The following ZC3H12B variants were observed in gnomAD, a reference collection of about 807,000 sequenced individuals.
ZC3H12B encodes probable ribonuclease ZC3H12B.
ZC3H12B carries 7 observed loss-of-function variants against 43.9 expected under a neutral mutation model. The observed-to-expected ratio is 0.16, with a 90% CI of 0.09 to 0.30. ZC3H12B has a LOEUF of 0.30. ZC3H12B is among the 10% of genes least tolerant of loss of function. The probability of loss-of-function intolerance (pLI) is 1.00; values close to 1 mark genes in which losing one functional copy is unlikely to be tolerated. For synonymous variants in ZC3H12B, 222 were observed against 241.7 expected, an observed-to-expected ratio of 0.92 and a Z score of 0.76; for missense variants, 475 against 670.2, an observed-to-expected ratio of 0.71 and a Z score of 3.22.
At chrX:65,287,462 G>A in the ZC3H12B span, among the ~76,000 whole-genome samples, 1 of 110,667 alleles carries the variant, frequency 9.0e-6, no homozygotes, top group Non-Finnish European at 1.9e-5. Context: ...TAGAAATTAA[G>A]AAATTCCTTG....
chrX:65,297,042 A>G, the ZC3H12B span, among the ~76,000 whole-genome samples: 1 of 111,767 alleles, frequency 8.9e-6, no homozygotes, highest in African/African-American at 3.3e-5. Context: ...AGCCAACATT[A>G]TACAGCATGG....
chrX:65,103,492 C>T, the ZC3H12B span, among the ~76,000 whole-genome samples: 1 of 111,425 alleles, frequency 9.0e-6, no homozygotes, highest in Admixed American at 9.5e-5. Context: ...GCTGAGGCGA[C>T]ATACATTCTC....
the ZC3H12B span, among the ~76,000 whole-genome samples, chrX:65,118,590 C>G: frequency 9.0e-6 from 1 of 111,106 alleles, no homozygotes; most frequent in Non-Finnish European, 1.9e-5. Context: ...CCAGAACTTC[C>G]AACACTATGT....
At chrX:65,239,811 C>G in the ZC3H12B span, among the ~76,000 whole-genome samples, 1 of 111,897 alleles carries the variant, frequency 8.9e-6, no homozygotes, top group Non-Finnish European at 1.9e-5. Flanking sequence ...TTCAAGGGAT[C>G]TTATTTCTCT....
the ZC3H12B span, among the ~76,000 whole-genome samples, chrX:65,227,807 C>T: frequency 9.0e-6 from 1 of 111,442 alleles, no homozygotes; most frequent in Non-Finnish European, 1.9e-5. Flanking sequence ...TTCCTCGACA[C>T]ATACACCCTC....
chrX:65,181,174 T>A, the ZC3H12B span, among the ~76,000 whole-genome samples: 552 of 111,918 alleles, frequency 4.9e-3, no homozygotes, highest in Non-Finnish European at 7.9e-3. Flanking sequence ...ATTTAATTAA[T>A]GGTGCTGGGA....
chrX:65,121,204 G>A, the ZC3H12B span, among the ~76,000 whole-genome samples: 19 of 111,456 alleles, frequency 1.7e-4, no homozygotes, highest in Non-Finnish European at 3.4e-4. Context: ...TCCATTGATT[G>A]GAATAATTTC....
At position 65,413,842 on chromosome X, in the gene ZC3H12B, G is replaced by T. The variant is rs933467552; in HGVS notation, n.407+15138G>T. On this transcript the variant is annotated intron_variant and non_coding_transcript_variant, in intron 3 of 5. Coordinates refer to the ZC3H12B transcript ENST00000617377. ...TGCAAAAGGCATCATTGTAAATTTG[G>T]TAGACATTCCATTGAATCTGTAGAT... 1.6e-4 allele frequency among the ~76,000 whole-genome samples: 18 copies of T among 111,856 alleles called. No individual in the cohort carries two copies. The Admixed American group carries it at 1.7e-3, about 11-fold the overall frequency.
the ZC3H12B span, among the ~76,000 whole-genome samples, chrX:65,308,106 C>T: frequency 2.8e-4 from 31 of 111,127 alleles, no homozygotes; most frequent in Admixed American, 6.7e-4. Context: ...GTACATGGAA[C>T]ATTCTCGAAG....
intron 2 of ZC3H12B, among the ~76,000 whole-genome samples, chrX:65,374,219 G>A (rs2066312698): frequency 1.2e-5 from 1 of 80,474 alleles, no homozygotes; most frequent in Admixed American, 1.6e-4. Flanking sequence ...AGTTATATAT[G>A]TACTCTATAG....
chrX:65,492,107 C>T (rs1211894389), intron 1 of ZC3H12B, among the ~76,000 whole-genome samples: 1 of 107,319 alleles, frequency 9.3e-6, no homozygotes, highest in Non-Finnish European at 1.9e-5. Context: ...GGACCTGATT[C>T]CCAAGGCCTA....
intron 2 of ZC3H12B, among the ~76,000 whole-genome samples, chrX:65,394,482 TG>T (rs1376003526): frequency 8.9e-6 from 1 of 112,333 alleles, no homozygotes; most frequent in Non-Finnish European, 1.9e-5. Flanking sequence ...TGCTTGTTTT[TG>T]TCAGGTTTGT....
intron 1 of ZC3H12B, 84 bp from the exon 4 acceptor site, chrX:65,368,745 A>T (rs2066207071): frequency 1.8e-5 from 2 of 112,234 alleles, no homozygotes; most frequent in African/African-American, 6.5e-5. Context: ...TGAACTTTAA[A>T]TGGGTAAAAG....
the ZC3H12B span, among the ~76,000 whole-genome samples, chrX:65,275,354 G>A: frequency 8.9e-6 from 1 of 112,822 alleles, no homozygotes; most frequent in Non-Finnish European, 1.9e-5. Flanking sequence ...AGCCCTGCAG[G>A]CTGCTCCTGG....
chrX:65,069,710 G>A, the ZC3H12B span, among the ~76,000 whole-genome samples: 1 of 111,859 alleles, frequency 8.9e-6, no homozygotes, highest in Non-Finnish European at 1.9e-5. Flanking sequence ...AGATAATCAT[G>A]TGATGCTTGT....
upstream of ZC3H12B, among the ~76,000 whole-genome samples, chrX:65,362,906 C>A (rs767431186): frequency 6.7e-4 from 75 of 111,186 alleles, no homozygotes; most frequent in Non-Finnish European, 1.4e-3. Flanking sequence ...ATATACTCTC[C>A]TATCCTCAAT....
intron 3 of ZC3H12B, among the ~76,000 whole-genome samples, chrX:65,435,671 TA>T (rs1288001181): frequency 2.2e-4 from 24 of 109,643 alleles, no homozygotes; most frequent in Non-Finnish European, 4.0e-4. Flanking sequence ...GATAGATAGA[TA>T]GATAGATAGA....
intron 1 of ZC3H12B, among the ~76,000 whole-genome samples, chrX:65,493,128 C>T (rs1025358297): frequency 8.3e-5 from 9 of 108,600 alleles, no homozygotes; most frequent in Admixed American, 2.0e-4. Flanking sequence ...AATTATGGGC[C>T]GGGCCTGGTG....
At chrX:65,120,239 G>T in the ZC3H12B span, among the ~76,000 whole-genome samples, 16 of 111,926 alleles carry the variant, frequency 1.4e-4, no homozygotes, top group African/African-American at 4.9e-4. Context: ...ACCTTGGGCA[G>T]TATGGCCATT....
Sources: allele counts gnomAD v4.1 joint callset (sites outside exome capture counted in the v4.1 genomes callset), GRCh38; gene constraint gnomAD v4.1.1; transcripts MANE v1.5; gene names NCBI Gene and HGNC (gene_info 2026-07-23, HGNC 2026-07-21).